Variants in CFAP299 observed in about 807,000 individuals in gnomAD.
CFAP299 encodes the protein cilia and flagella associated protein 299, also known as cilia- and flagella-associated protein 299.
A neutral mutation model predicts 27.0 loss-of-function variants in CFAP299; 21 were observed. That is an observed-to-expected ratio of 0.78 (90% confidence interval 0.55 to 1.12). CFAP299 has a LOEUF of 1.12. Ranked by LOEUF, CFAP299 falls within the 50% of genes most tolerant of loss-of-function variation. The pLI, the probability that CFAP299 is intolerant of heterozygous loss-of-function variation, is 0.00. For missense variants in CFAP299, 310 were observed against 276.6 expected (o/e 1.12, Z -0.86); for synonymous variants, 104 against 98.1 (o/e 1.06, Z -0.36).
At chr4:80,407,114 C>T (rs1047849921) in intron 2 of CFAP299, among the ~76,000 whole-genome samples, 1 of 150,894 alleles carries the variant, frequency 6.6e-6, no homozygotes, top group Non-Finnish European at 1.5e-5. Flanking sequence ...TGGAATAAAA[C>T]AAAATAAATA....
At chr4:80,862,806 T>C (rs1476768646) in intron 3 of CFAP299, among the ~76,000 whole-genome samples, 1 of 152,088 alleles carries the variant, frequency 6.6e-6, no homozygotes, top group Non-Finnish European at 1.5e-5. Flanking sequence ...ATATTTTATA[T>C]ATATATGTAA....
intron 3 of CFAP299, among the ~76,000 whole-genome samples, chr4:80,839,048 A>T (rs1263959603): frequency 6.6e-6 from 1 of 152,164 alleles, no homozygotes; most frequent in East Asian, 1.9e-4. Flanking sequence ...TAGTGCATAC[A>T]AGCTGCACTA....
intron 1 of CFAP299, among the ~76,000 whole-genome samples, chr4:80,360,472 G>C (rs1723487258): frequency 6.6e-6 from 1 of 152,176 alleles, no homozygotes; most frequent in Non-Finnish European, 1.5e-5. Context: ...CAGGAGCAAG[G>C]ATTGACAGCC....
At chr4:80,878,449 C>A (rs887182738) in intron 4 of CFAP299, among the ~76,000 whole-genome samples, 2 of 152,076 alleles carry the variant, frequency 1.3e-5, no homozygotes, top group African/African-American at 4.8e-5. Flanking sequence ...TATCAGGAAG[C>A]ACCTAATGTC....
chr4:80,441,173 G>A (rs1728339065), intron 2 of CFAP299, among the ~76,000 whole-genome samples: 1 of 152,116 alleles, frequency 6.6e-6, no homozygotes, highest in Non-Finnish European at 1.5e-5. Context: ...TAGCAAGACA[G>A]GGCAACATTC....
At chr4:80,746,130 A>C (rs1724573351) in intron 3 of CFAP299, among the ~76,000 whole-genome samples, 1 of 151,982 alleles carries the variant, frequency 6.6e-6, no homozygotes, top group Non-Finnish European at 1.5e-5. Flanking sequence ...CCTATATTTG[A>C]GTCTTGTTTC....
chr4:80,362,933 C>T, intron 2 of CFAP299, 49 bp downstream of exon 2: 1 of 1,540,432 alleles, frequency 6.5e-7, no homozygotes, highest in Non-Finnish European at 8.7e-7. Context: ...TTCTAGACCT[C>T]TGGAGTAATT....
intron 4 of CFAP299, among the ~76,000 whole-genome samples, chr4:80,928,197 A>C (rs1736397827): frequency 6.6e-6 from 1 of 152,064 alleles, no homozygotes; most frequent in African/African-American, 2.4e-5. Flanking sequence ...TGTGCTCTTT[A>C]GCTGCACGTC....
At chr4:80,873,977 C>T (rs999934413) in intron 4 of CFAP299, among the ~76,000 whole-genome samples, 3 of 152,096 alleles carry the variant, frequency 2.0e-5, no homozygotes, top group Non-Finnish European at 4.4e-5. Context: ...CTTGAAGTCC[C>T]ATTGTCTGTT....
intron 2 of CFAP299, among the ~76,000 whole-genome samples, chr4:80,392,292 G>A (rs915805612): frequency 2.0e-5 from 3 of 152,290 alleles, no homozygotes; most frequent in Middle Eastern, 3.4e-3. Flanking sequence ...AATGAGTTAA[G>A]ACTTTGGGGG....
chr4:80,345,290 T>A (rs1300567071), intron 1 of CFAP299, among the ~76,000 whole-genome samples: 1 of 151,702 alleles, frequency 6.6e-6, no homozygotes, highest in Non-Finnish European at 1.5e-5. Flanking sequence ...TTATTATTAT[T>A]ATACTTTAAG....
Position 80,955,018 on chromosome 4 carries a change from A to C in CFAP299, c.607-8499A>C, listed in dbSNP as rs920074734. Among the ~76,000 whole-genome samples the C allele has an allele frequency of 1.1e-3, 155 of 141,092 alleles. 13 individuals are homozygous for C. Among genetic ancestry groups the C allele is most frequent in the East Asian group, 2.8e-3 (14 of 4,936 alleles). The allele number at this position is 141,092 out of a possible 152,430, so 92.6% of individuals were successfully genotyped here. On this transcript the variant is annotated intron_variant, in intron 5 of 5. Coordinates refer to ENST00000358105, the MANE Select transcript of CFAP299 (RefSeq NM_152770.3). ...CCATCAAAAAAAAAAAAAAAAAAAA[A>C]AAAAAAAAAAAAAAAACGCACACAT...
At chr4:80,749,083 A>G (rs1008248640) in intron 3 of CFAP299, among the ~76,000 whole-genome samples, 4 of 152,182 alleles carry the variant, frequency 2.6e-5, no homozygotes, top group Non-Finnish European at 5.9e-5. Context: ...ATATCAGCAT[A>G]TCCTGAGATC....
chr4:80,503,047 A>C (rs1731818307), intron 2 of CFAP299, among the ~76,000 whole-genome samples: 1 of 152,194 alleles, frequency 6.6e-6, no homozygotes, highest in Non-Finnish European at 1.5e-5. Flanking sequence ...AAATAATGTT[A>C]TCGAGAGGCA....
chr4:80,584,553 T>A (rs1736336536), intron 3 of CFAP299, among the ~76,000 whole-genome samples: 1 of 152,090 alleles, frequency 6.6e-6, no homozygotes, highest in Non-Finnish European at 1.5e-5. Flanking sequence ...CTGTTTTATT[T>A]CCTTCCTTGG....
intron 4 of CFAP299, among the ~76,000 whole-genome samples, chr4:80,925,212 C>G (rs1164580434): frequency 6.6e-6 from 1 of 151,886 alleles, no homozygotes; most frequent in Non-Finnish European, 1.5e-5. Flanking sequence ...TTTCATAATG[C>G]TTTCACTCTT....
At chr4:80,817,182 C>T (rs1246806025) in intron 3 of CFAP299, among the ~76,000 whole-genome samples, 1 of 152,086 alleles carries the variant, frequency 6.6e-6, no homozygotes, top group Non-Finnish European at 1.5e-5. Flanking sequence ...TAGGACATCT[C>T]TGAAGGCCAT....
chr4:80,366,247 A>G (rs530111469), intron 2 of CFAP299, among the ~76,000 whole-genome samples: 4 of 152,324 alleles, frequency 2.6e-5, no homozygotes, highest in African/African-American at 7.2e-5. Flanking sequence ...ATCATCTTAC[A>G]TTAACTTCTT....
At chr4:80,926,047 T>C (rs1736288894) in intron 4 of CFAP299, among the ~76,000 whole-genome samples, 2 of 152,046 alleles carry the variant, frequency 1.3e-5, no homozygotes, top group Admixed American at 1.3e-4. Context: ...AAGTATTGCA[T>C]GATATGATAT....
Sources: allele counts gnomAD v4.1 joint callset (sites outside exome capture counted in the v4.1 genomes callset), GRCh38; gene constraint gnomAD v4.1.1; transcripts MANE v1.5; gene names NCBI Gene and HGNC (gene_info 2026-07-23, HGNC 2026-07-21).